The following LEKR1 variants were observed in gnomAD, a reference collection of about 807,000 sequenced individuals.
LEKR1 encodes the protein protein LEKR1.
In LEKR1, 59 loss-of-function variants were observed where a neutral mutation model predicts 72.4. That is an observed-to-expected ratio of 0.82 (90% CI 0.66 to 1.01). The LOEUF is 1.01. LEKR1 is among the 50% of genes least tolerant of loss of function. The pLI is 0.00. For synonymous variants in LEKR1, 257 were observed against 263.2 expected, an observed-to-expected ratio of 0.98 and a Z score of 0.23; for missense variants, 728 against 759.2, an observed-to-expected ratio of 0.96 and a Z score of 0.48.
At chr3:156,965,205 A>C (rs968689593) in intron 6 of LEKR1, among the ~76,000 whole-genome samples, 3 of 152,264 alleles carry the variant, frequency 2.0e-5, no homozygotes, top group East Asian at 3.9e-4. Context: ...AAATAATTTA[A>C]TCATGGTAAA....
At chr3:156,910,650 T>G (rs1175356796) in intron 3 of LEKR1, among the ~76,000 whole-genome samples, 1 of 152,196 alleles carries the variant, frequency 6.6e-6, no homozygotes, top group African/African-American at 2.4e-5. Context: ...TGCATCCATG[T>G]TGCTGCAAAG....
intron 6 of LEKR1, chr3:156,977,486 G>C: frequency 8.9e-6 from 4 of 447,552 alleles, no homozygotes; most frequent in South Asian, 7.4e-5. Context: ...ATTGTTGCAA[G>C]AGAATCTCCC....
At chr3:157,041,865 G>A (rs1735371488) in intron 12 of LEKR1, among the ~76,000 whole-genome samples, 1 of 152,112 alleles carries the variant, frequency 6.6e-6, no homozygotes, top group Admixed American at 6.5e-5. Context: ...CCTTCATCTT[G>A]ACTAAATTGC....
At chr3:156,830,727 C>T (rs1014720109) in intron 2 of LEKR1, among the ~76,000 whole-genome samples, 1 of 150,978 alleles carries the variant, frequency 6.6e-6, no homozygotes, top group South Asian at 2.1e-4. Context: ...TGAAAAGTCT[C>T]GGAGAGAAAA....
intron 3 of LEKR1, among the ~76,000 whole-genome samples, chr3:156,855,843 CT>C (rs1211939054): frequency 1.3e-5 from 2 of 151,996 alleles, no homozygotes; most frequent in Non-Finnish European, 2.9e-5. Flanking sequence ...ATTCACTCAA[CT>C]TTTTTTTCCT....
intron 10 of LEKR1, among the ~76,000 whole-genome samples, chr3:157,020,288 ATTATT>A (rs1733718051): frequency 7.2e-6 from 1 of 138,662 alleles, no homozygotes; most frequent in Admixed American, 7.3e-5. Context: ...TATTATTATT[ATTATT>A]ATACTTTAAG....
At chr3:156,898,553 T>C (rs774590705) in intron 3 of LEKR1, among the ~76,000 whole-genome samples, 3 of 152,142 alleles carry the variant, frequency 2.0e-5, no homozygotes, top group Non-Finnish European at 4.4e-5. Context: ...TCTCAGTCTC[T>C]GGAACTGTGA....
intron 3 of LEKR1, among the ~76,000 whole-genome samples, chr3:156,896,885 A>G (rs937178097): frequency 6.6e-6 from 1 of 152,196 alleles, no homozygotes; most frequent in East Asian, 1.9e-4. Flanking sequence ...GAACACAATC[A>G]TGTCCTTTGC....
intron 2 of LEKR1, among the ~76,000 whole-genome samples, chr3:156,832,307 A>G (rs1467972531): frequency 2.0e-5 from 3 of 152,316 alleles, no homozygotes; most frequent in South Asian, 2.1e-4. Context: ...CCAAGAATCA[A>G]TCAGATATGG....
At chr3:156,991,534 C>G (rs188361767) in intron 7 of LEKR1, among the ~76,000 whole-genome samples, 1 of 151,914 alleles carries the variant, frequency 6.6e-6, no homozygotes, top group Non-Finnish European at 1.5e-5. Flanking sequence ...TATGACTTAA[C>G]GAGTTAATGA....
chr3:156,903,822 C>T (rs1274047140), intron 3 of LEKR1, among the ~76,000 whole-genome samples: 1 of 152,056 alleles, frequency 6.6e-6, no homozygotes, highest in Non-Finnish European at 1.5e-5. Context: ...TTCTCTAGTC[C>T]CAAGGAAAGA....
chr3:156,955,106 AT>A (rs376039290), intron 6 of LEKR1, among the ~76,000 whole-genome samples: 24 of 151,666 alleles, frequency 1.6e-4, no homozygotes, highest in South Asian at 8.3e-4. Flanking sequence ...GGTTTTAAAA[AT>A]TTTTTTTATA....
chr3:157,034,732 C>T (rs4680331), intron 12 of LEKR1, among the ~76,000 whole-genome samples: 5 of 152,184 alleles, frequency 3.3e-5, no homozygotes, highest in Non-Finnish European at 5.9e-5. Context: ...TGCTGTCAAA[C>T]AGCATCACAT....
chr3:157,014,135 T>A (rs1353536351), intron 10 of LEKR1, among the ~76,000 whole-genome samples: 2 of 152,114 alleles, frequency 1.3e-5, no homozygotes, highest in East Asian at 3.8e-4. Context: ...TTAAAGTTTT[T>A]TAATTAAAAA....
At chr3:156,945,921 T>G (rs1387632020) in intron 6 of LEKR1, among the ~76,000 whole-genome samples, 2 of 151,854 alleles carry the variant, frequency 1.3e-5, no homozygotes, top group Non-Finnish European at 2.9e-5. Flanking sequence ...CAGTATAGCT[T>G]TGACTATTCT....
intron 2 of LEKR1, among the ~76,000 whole-genome samples, chr3:156,850,045 C>G (rs1715155155): frequency 6.6e-6 from 1 of 151,990 alleles, no homozygotes; most frequent in South Asian, 2.1e-4. Flanking sequence ...CTACAATGAA[C>G]TCAGACAAAT....
At chr3:156,945,431 C>T (rs967902140) in intron 6 of LEKR1, among the ~76,000 whole-genome samples, 11 of 151,620 alleles carry the variant, frequency 7.3e-5, no homozygotes, top group African/African-American at 2.7e-4. Context: ...TTGATGTGAT[C>T]CCTGCAGAAT....
At chr3:156,842,607 G>A (rs1216365815) in intron 2 of LEKR1, among the ~76,000 whole-genome samples, 1 of 152,188 alleles carries the variant, frequency 6.6e-6, no homozygotes, top group Non-Finnish European at 1.5e-5. Flanking sequence ...GCCAAAATGA[G>A]CAGTAGTAGA....
intron 6 of LEKR1, among the ~76,000 whole-genome samples, chr3:156,968,523 C>T (rs1336329531): frequency 1.3e-5 from 2 of 150,882 alleles, no homozygotes; most frequent in East Asian, 3.9e-4. Flanking sequence ...TCAAAAGAGA[C>T]AAGGCCATTA....
Sources: allele counts gnomAD v4.1 joint callset (sites outside exome capture counted in the v4.1 genomes callset), GRCh38; gene constraint gnomAD v4.1.1; transcripts MANE v1.5; gene names NCBI Gene and HGNC (gene_info 2026-07-23, HGNC 2026-07-21).